The following DOCK1 variants were observed in gnomAD, a reference collection of about 807,000 sequenced individuals.
The protein encoded by DOCK1 is dedicator of cytokinesis 1, also known as dedicator of cytokinesis protein 1.
A neutral mutation model predicts 262.7 loss-of-function variants in DOCK1; 138 were observed. The observed-to-expected ratio is 0.53, with a 90% CI of 0.46 to 0.61. The LOEUF (loss-of-function observed/expected upper bound fraction) is 0.61. Among genes scored for constraint, DOCK1 ranks in the 20% least tolerant of loss-of-function variants. DOCK1 has a pLI of 0.00. For missense variants in DOCK1, 1,908 were observed against 2,370.7 expected (o/e 0.80, Z 4.05); for synonymous variants, 866 against 867.4 (o/e 1.00, Z 0.03).
At chr10:127,358,641 AT>A (rs544389848) in intron 32 of DOCK1, among the ~76,000 whole-genome samples, 184 of 152,272 alleles carry the variant, frequency 1.2e-3, no homozygotes, top group Admixed American at 3.3e-3. Flanking sequence ...TCATGCAGGG[AT>A]TCCCTTCATG....
intron 29 of DOCK1, among the ~76,000 whole-genome samples, chr10:127,285,874 C>T (rs752085175): frequency 5.9e-5 from 9 of 152,268 alleles, no homozygotes; most frequent in East Asian, 3.9e-4. Context: ...ATCTGGGCTC[C>T]GTGAAACTAC....
At chr10:127,174,016 C>T (rs1261378471) in intron 27 of DOCK1, among the ~76,000 whole-genome samples, 6 of 152,220 alleles carry the variant, frequency 3.9e-5, no homozygotes, top group Admixed American at 2.6e-4. Flanking sequence ...CTGGGCCTTT[C>T]ACCTCAGCCT....
intron 1 of DOCK1, among the ~76,000 whole-genome samples, chr10:126,917,914 C>A (rs1008313041): frequency 6.6e-5 from 10 of 152,150 alleles, no homozygotes; most frequent in African/African-American, 2.4e-4. Context: ...TAGGCAGAAC[C>A]CCTAAAGCAG....
rs372642343 is a variant in DOCK1, at chr10:127,396,754, CAAA to C, written c.3928-6284_3928-6282del. On this transcript the variant is annotated intron_variant, in intron 38 of 51. Coordinates refer to ENST00000623213, the MANE Select transcript of DOCK1 (RefSeq NM_001290223.2). ...AAGAAAAAATGTCATATCTCTGTTA[CAAA>C]AAAAAAAAAAAAAAAATCTTCATTT... Among the ~76,000 whole-genome samples the C allele has an allele frequency of 1.6e-3, 212 of 134,128 alleles. 2 individuals are homozygous for C. The highest frequency in any genetic ancestry group is 7.9e-3 in the Admixed American group (105 of 13,224). The allele number at this position is 134,128 out of a possible 152,430, so 88.0% of individuals were successfully genotyped here.
chr10:127,439,088 A>G lies in DOCK1; in HGVS notation c.5122A>G (p.Lys1708Glu). Residue 1708 changes from lysine to glutamate, a missense_variant, in exon 49 of 52, where the codon AAG becomes GAG. By Grantham distance (56) the Lys-to-Glu change is moderately conservative. Coordinates refer to ENST00000623213, the MANE Select transcript of DOCK1 (RefSeq NM_001290223.2). ...MHSRSQDKLD[K>E]DDLEKEKKDK... ...CTCCAGGTCCCAGGACAAGCTGGAC[A>G]AGGATGACCTGGAGAAGGAGAAGAA... 6.4e-7 allele frequency: 1 copy of G among 1,564,924 alleles called. No homozygotes were observed. Among genetic ancestry groups the G allele is most frequent in the Non-Finnish European group, 8.7e-7 (1 of 1,154,348 alleles).
intron 34 of DOCK1, 77 bp from the exon 35 acceptor site, chr10:127,373,981 A>G (rs2065346945): frequency 4.6e-6 from 7 of 1,532,428 alleles, no homozygotes; most frequent in Non-Finnish European, 4.4e-6. Flanking sequence ...TTAATAATGG[A>G]AAATAGTTAA....
chr10:126,942,912 C>A (rs988996256), intron 1 of DOCK1, among the ~76,000 whole-genome samples: 1 of 152,102 alleles, frequency 6.6e-6, no homozygotes, highest in African/African-American at 2.4e-5. Context: ...TAGTTACTAT[C>A]CTAAAATATA....
chr10:127,322,430 A>C (rs2766044), intron 29 of DOCK1, among the ~76,000 whole-genome samples: 27,963 of 151,446 alleles, frequency 0.18, 2,841 homozygotes, highest in African/African-American at 0.28. Context: ...CCTCAAGTGA[A>C]CCACCCATCT....
intron 44 of DOCK1, among the ~76,000 whole-genome samples, chr10:127,417,105 C>T (rs1221004225): frequency 6.6e-6 from 1 of 152,210 alleles, no homozygotes; most frequent in East Asian, 1.9e-4. Flanking sequence ...CCCAGGCAGT[C>T]CGCTAGAGGC....
At chr10:127,282,210 T>G (rs186763928) in intron 29 of DOCK1, among the ~76,000 whole-genome samples, 6 of 151,930 alleles carry the variant, frequency 3.9e-5, no homozygotes, top group Admixed American at 2.0e-4. Flanking sequence ...TTGTGTTCTC[T>G]CTCTCTCTTT....
At chr10:127,172,817 G>T (rs2054702935) in intron 27 of DOCK1, among the ~76,000 whole-genome samples, 1 of 152,172 alleles carries the variant, frequency 6.6e-6, no homozygotes, top group South Asian at 2.1e-4. Flanking sequence ...TTAAGAACCA[G>T]GCACTGTGCC....
intron 29 of DOCK1, among the ~76,000 whole-genome samples, chr10:127,308,480 C>G (rs1385752645): frequency 6.6e-6 from 1 of 152,198 alleles, no homozygotes; most frequent in Non-Finnish European, 1.5e-5. Context: ...AGGTTTGTTA[C>G]ATAGGTATAC....
chr10:127,434,942 G>A (rs975608923), intron 48 of DOCK1, among the ~76,000 whole-genome samples: 3 of 152,026 alleles, frequency 2.0e-5, no homozygotes, highest in Non-Finnish European at 4.4e-5. Context: ...GTGAGCCACC[G>A]CGCCTGGCCA....
chr10:127,247,956 C>T, intron 27 of DOCK1, 52 bp from the exon 28 acceptor site: 1 of 1,571,722 alleles, frequency 6.4e-7, no homozygotes, highest in Non-Finnish European at 8.7e-7. Flanking sequence ...TTCGGCTTTT[C>T]CCATGAGTGT....
At chr10:127,142,149 T>C (rs1756005124) in intron 27 of DOCK1, among the ~76,000 whole-genome samples, 1 of 152,160 alleles carries the variant, frequency 6.6e-6, no homozygotes, top group Non-Finnish European at 1.5e-5. Flanking sequence ...CTGGGTGATG[T>C]TTGTTCTGAG....
At chr10:127,008,978 A>G (rs951826725) in intron 11 of DOCK1, among the ~76,000 whole-genome samples, 174 bp downstream of exon 11, 6 of 152,208 alleles carry the variant, frequency 3.9e-5, no homozygotes, top group African/African-American at 1.4e-4. Flanking sequence ...AGCCATAAGA[A>G]TCCTGGGTCA....
At chr10:127,148,142 T>C (rs2052099126) in intron 27 of DOCK1, among the ~76,000 whole-genome samples, 1 of 149,970 alleles carries the variant, frequency 6.7e-6, no homozygotes, top group South Asian at 2.2e-4. Context: ...AAGCTCCCCC[T>C]CTCTGATGTC....
At chr10:127,000,595 A>G (rs1041931909) in intron 10 of DOCK1, 10 of 333,966 alleles carry the variant, frequency 3.0e-5, no homozygotes, top group African/African-American at 1.9e-4. Context: ...TCTGTAGGGA[A>G]GCCAGTCAGT....
At position 127,099,030 on chromosome 10, in the gene DOCK1, C is replaced by T. The variant is rs73374796; in HGVS notation, c.2446-7201C>T. ...AATAGTGGGTAATGGAACCCTCCTG[C>T]CAAGGAAAGCCAGAGCCTGTGGTAG... On this transcript the variant is annotated intron_variant, in intron 23 of 51. Coordinates refer to ENST00000623213, the MANE Select transcript of DOCK1 (RefSeq NM_001290223.2). Among the ~76,000 whole-genome samples the T allele has an allele frequency of 9.7e-3, 1,479 of 152,256 alleles. 23 individuals are homozygous for T. The highest frequency in any genetic ancestry group is 0.033 in the African/African-American group (1,385 of 41,546).
Sources: allele counts gnomAD v4.1 joint callset (sites outside exome capture counted in the v4.1 genomes callset), GRCh38; gene constraint gnomAD v4.1.1; transcripts MANE v1.5; gene names NCBI Gene and HGNC (gene_info 2026-07-23, HGNC 2026-07-21).